NOVA2: variants seen among roughly 807,000 people sequenced by gnomAD.
The protein encoded by NOVA2 is NOVA alternative splicing regulator 2.
NOVA2 carries 9 observed loss-of-function variants against 22.5 expected under a neutral mutation model. The ratio of observed to expected loss-of-function variants is 0.40; its 90% CI spans 0.24 to 0.70. The LOEUF is 0.70. Among genes scored for constraint, NOVA2 ranks in the 30% least tolerant of loss-of-function variants. The probability of loss-of-function intolerance (pLI) is 0.38; values close to 1 mark genes in which losing one functional copy is unlikely to be tolerated. For synonymous variants in NOVA2, 318 were observed against 335.2 expected, an observed-to-expected ratio of 0.95 and a Z score of 0.56; for missense variants, 383 against 682.8, an observed-to-expected ratio of 0.56 and a Z score of 4.89.
rs750423326 is a variant in NOVA2 at position 45,938,495 on chromosome 19, C to A, written c.*1368G>T. The A allele has an allele frequency of 3.9e-5, 6 of 152,590 alleles. No individual in the cohort carries two copies. In the South Asian group the frequency reaches 8.3e-4, roughly 21 times the overall value. 9.5% of individuals were successfully genotyped at this position (152,590 alleles called of 1,614,324 possible). ...CCTGGCCATACTGGCCTGACAGAGC[C>A]ACCACACACTTGGCTCACCCGATTC... On this transcript the variant is annotated 3_prime_UTR_variant, in exon 4 of 4. Coordinates refer to ENST00000263257, the MANE Select transcript of NOVA2 (RefSeq NM_002516.4).
chr19:45,962,684 T>C (rs759783497), intron 1 of NOVA2: 11 of 152,214 alleles, frequency 7.2e-5, no homozygotes, highest in African/African-American at 2.4e-5. Flanking sequence ...CCTTGCTCTA[T>C]TGCCCAGGCT....
At chr19:45,968,593 A>G (rs1185663789) in intron 1 of NOVA2, among the ~76,000 whole-genome samples, 1 of 151,944 alleles carries the variant, frequency 6.6e-6, no homozygotes, top group Non-Finnish European at 1.5e-5. Context: ...TATAATAATA[A>G]TGATGATGAT....
At chr19:45,964,585 T>TCTCTCTC (rs1398689110) in intron 1 of NOVA2, among the ~76,000 whole-genome samples, 12 of 17,466 alleles carry the variant, frequency 6.9e-4, no homozygotes, top group South Asian at 4.5e-3. Context: ...CTCTCTCTCT[T>TCTCTCTC]TCTCTTTCTC....
intron 3 of NOVA2, among the ~76,000 whole-genome samples, chr19:45,950,568 C>G (rs986164897): frequency 3.3e-5 from 5 of 152,210 alleles, no homozygotes; most frequent in African/African-American, 1.2e-4. Context: ...TGTAGAACTA[C>G]AGCATCTTAG....
At chr19:45,964,561 A>ATCTCTCTCTCTCTCTCTCTCTCTC (rs141748431) in intron 1 of NOVA2, among the ~76,000 whole-genome samples, 2,369 of 137,012 alleles carry the variant, frequency 0.017, 46 homozygotes, top group Non-Finnish European at 0.025. Context: ...ACACTCTCTG[A>ATCTCTCTCTCTCTCTCTCTCTCTC]TCTCTCTCTC....
At chr19:45,961,694 A>T (rs1270162102) in intron 1 of NOVA2, among the ~76,000 whole-genome samples, 5 of 152,152 alleles carry the variant, frequency 3.3e-5, no homozygotes, top group Non-Finnish European at 4.4e-5. Context: ...GAATTTTCAC[A>T]CTTATCCTAT....
At chr19:45,946,961 A>G (rs556266563) in intron 3 of NOVA2, among the ~76,000 whole-genome samples, 148 of 152,164 alleles carry the variant, frequency 9.7e-4, no homozygotes, top group Non-Finnish European at 1.6e-3. Context: ...TGCATGCACA[A>G]ATGTTAACAA....
In NOVA2 at chr19:45,936,769, G is replaced by A. The variant is rs1967659168; in HGVS notation, c.*3094C>T. 1 of 152,164 alleles carries A rather than the reference G, an allele frequency of 6.6e-6. No individual in the cohort carries two copies. Among genetic ancestry groups the A allele is most frequent in the Admixed American group, 6.6e-5 (1 of 15,260 alleles). 9.4% of individuals were successfully genotyped at this position (152,164 alleles called of 1,614,324 possible). On this transcript the variant is annotated 3_prime_UTR_variant, in exon 4 of 4. Transcript: ENST00000263257. ...GTATGGGAAGCTAGAGGGCAAATGA[G>A]AAGGAATAGGGAGATAATCCAATGC...
chr19:45,935,716 G>C lies in NOVA2; in HGVS notation c.*4147C>G, dbSNP rs1967644427. ...CTGAAACAGCAATCATCCATTCAGGGGGACTCCTCTCATTTTCCAAACAAT... is the reference window on the plus strand; with the variant it reads ...CTGAAACAGCAATCATCCATTCAGGCGGACTCCTCTCATTTTCCAAACAAT... On this transcript the variant is annotated 3_prime_UTR_variant, in exon 4 of 4. Coordinates refer to ENST00000263257, the MANE Select transcript of NOVA2 (RefSeq NM_002516.4). 6.6e-6 allele frequency: 1 copy of C among 152,330 alleles called. No homozygotes were observed. Among genetic ancestry groups the C allele is most frequent in the Admixed American group, 6.6e-5 (1 of 15,266 alleles). 9.4% of individuals were successfully genotyped at this position (152,330 alleles called of 1,614,324 possible). A position where few individuals can be genotyped will look rare whatever the true frequency, so the allele number is the denominator to read the frequency against.
intron 1 of NOVA2, among the ~76,000 whole-genome samples, chr19:45,966,557 C>A (rs574581237): frequency 6.6e-5 from 10 of 152,242 alleles, no homozygotes; most frequent in Middle Eastern, 3.4e-3. Flanking sequence ...CATGAGCCAC[C>A]GCGCCTGGCC....
intron 3 of NOVA2, 107 bp from the exon 4 acceptor site, chr19:45,941,052 G>A: frequency 9.8e-7 from 1 of 1,015,776 alleles, no homozygotes; most frequent in Non-Finnish European, 1.4e-6. Context: ...CACTTTGGGG[G>A]GCTGAGGCAG....
chr19:45,957,836 G>A (rs771671838), intron 2 of NOVA2, among the ~76,000 whole-genome samples: 30 of 152,020 alleles, frequency 2.0e-4, no homozygotes, highest in Admixed American at 7.2e-4. Context: ...GCCGGTCGCG[G>A]TGGCTCAAGC....
intron 3 of NOVA2, among the ~76,000 whole-genome samples, chr19:45,952,476 G>A (rs1967940587): frequency 6.6e-6 from 1 of 152,192 alleles, no homozygotes; most frequent in African/African-American, 2.4e-5. Context: ...AATAAATCCT[G>A]GTTCTATAAC....
At chr19:45,969,668 G>A (rs1281207440) in intron 1 of NOVA2, among the ~76,000 whole-genome samples, 1 of 152,018 alleles carries the variant, frequency 6.6e-6, no homozygotes, top group African/African-American at 2.4e-5. Flanking sequence ...GAGTACAGGG[G>A]TCATTATTGT....
At chr19:45,942,714 C>G (rs1332824255) in intron 3 of NOVA2, among the ~76,000 whole-genome samples, 1 of 152,144 alleles carries the variant, frequency 6.6e-6, no homozygotes, top group Non-Finnish European at 1.5e-5. Flanking sequence ...GTGACCTCTC[C>G]TTTCTCAGTT....
In NOVA2 at chr19:45,938,431, T is replaced by C. The variant is rs1194509755; in HGVS notation, c.*1432A>G. The C allele has an allele frequency of 6.6e-6, 1 of 152,434 alleles. No homozygotes were observed. The highest frequency in any genetic ancestry group is 1.5e-5 in the Non-Finnish European group (1 of 68,114). 9.4% of individuals were successfully genotyped at this position (152,434 alleles called of 1,614,324 possible). ...ACCTATCAGACCACACGAAGCATTC[T>C]GGCCCAAGGGACCCTACTATGGCTC... is the stretch of plus-strand genomic sequence containing the variant. On this transcript the variant is annotated 3_prime_UTR_variant, in exon 4 of 4. Coordinates refer to ENST00000263257, the MANE Select transcript of NOVA2 (RefSeq NM_002516.4).
chr19:45,949,155 G>GACT (rs1178612517), intron 3 of NOVA2, among the ~76,000 whole-genome samples: 1 of 152,012 alleles, frequency 6.6e-6, no homozygotes, highest in African/African-American at 2.4e-5. Flanking sequence ...AATGGTGAGT[G>GACT]ACTGCTCATG....
intron 3 of NOVA2, among the ~76,000 whole-genome samples, chr19:45,952,471 A>T (rs567221780): frequency 1.3e-5 from 2 of 152,332 alleles, no homozygotes; most frequent in South Asian, 2.1e-4. Context: ...CAGGGAATAA[A>T]TCCTGGTTCT....
intron 1 of NOVA2, among the ~76,000 whole-genome samples, chr19:45,971,583 G>A (rs1383692854): frequency 2.0e-5 from 3 of 152,142 alleles, no homozygotes; most frequent in Non-Finnish European, 4.4e-5. Flanking sequence ...GGAGGTGGGG[G>A]AGGGCTAGGA....
Sources: allele counts gnomAD v4.1 joint callset (sites outside exome capture counted in the v4.1 genomes callset), GRCh38; gene constraint gnomAD v4.1.1; transcripts MANE v1.5; gene names NCBI Gene and HGNC (gene_info 2026-07-23, HGNC 2026-07-21).